CREBRF: variants seen among roughly 807,000 people sequenced by gnomAD.
CREBRF encodes UPF0474 protein C5orf41.
CREBRF carries 5 observed loss-of-function variants against 66.1 expected under a neutral mutation model. The observed-to-expected ratio is 0.08, with a 90% CI of 0.04 to 0.16. The LOEUF (loss-of-function observed/expected upper bound fraction) is 0.16. Among genes scored for constraint, CREBRF ranks in the 10% least tolerant of loss-of-function variants. The pLI is 1.00. For synonymous variants in CREBRF, 229 were observed against 264.4 expected (o/e 0.87, Z 1.30); for missense variants, 531 against 744.9 (o/e 0.71, Z 3.34).
At chr5:173,076,237 T>C (rs1757760960) in intron 1 of CREBRF, among the ~76,000 whole-genome samples, 1 of 152,154 alleles carries the variant, frequency 6.6e-6, no homozygotes, top group African/African-American at 2.4e-5. Context: ...ATTCATTTTT[T>C]CTATCAAGAG....
chr5:173,109,792 A>G (rs1397918017), intron 5 of CREBRF: 5 of 152,322 alleles, frequency 3.3e-5, no homozygotes, highest in African/African-American at 1.2e-4. Context: ...TCCACTAGCA[A>G]CCAGGTGTAC....
At chr5:173,130,111 C>G (rs1250029943) in intron 8 of CREBRF, among the ~76,000 whole-genome samples, 1 of 152,224 alleles carries the variant, frequency 6.6e-6, no homozygotes, top group Non-Finnish European at 1.5e-5. Context: ...GCGTGAGCCA[C>G]CACGCTCGGC....
intron 4 of CREBRF, among the ~76,000 whole-genome samples, chr5:173,094,119 T>C (rs576724536): frequency 7.9e-5 from 12 of 152,354 alleles, no homozygotes; most frequent in Admixed American, 2.0e-4. Context: ...TTTTTAAGGC[T>C]GAATAATATT....
At chr5:173,092,117 G>C (rs773257401) in intron 4 of CREBRF, 5 of 833,910 alleles carry the variant, frequency 6.0e-6, no homozygotes, top group Non-Finnish European at 7.2e-6. Context: ...AAATATTACT[G>C]TTTATGCATG....
At chr5:173,119,620 TTTTG>T (rs1759088965) in intron 7 of CREBRF, among the ~76,000 whole-genome samples, 1 of 152,184 alleles carries the variant, frequency 6.6e-6, no homozygotes, top group South Asian at 2.1e-4. Context: ...TCTTTATGGC[TTTTG>T]TTTTTCTGCC....
intron 4 of CREBRF, among the ~76,000 whole-genome samples, chr5:173,106,989 A>T (rs983867728): frequency 6.6e-6 from 1 of 152,152 alleles, no homozygotes; most frequent in Non-Finnish European, 1.5e-5. Context: ...ATCTCAGGTG[A>T]TCCGCCCACC....
intron 1 of CREBRF, among the ~76,000 whole-genome samples, chr5:173,074,930 A>G (rs773165781): frequency 1.1e-4 from 17 of 152,078 alleles, no homozygotes; most frequent in Non-Finnish European, 2.4e-4. Context: ...CACCTCCCAT[A>G]TTTTAAAAAC....
chr5:173,123,759 C>T (rs981411641), intron 8 of CREBRF: 2 of 152,310 alleles, frequency 1.3e-5, no homozygotes, highest in African/African-American at 4.8e-5. Flanking sequence ...TCCAAGGCAT[C>T]CAGCGTTATA....
At chr5:173,059,369 A>G (rs911942492) in intron 1 of CREBRF, among the ~76,000 whole-genome samples, 9 of 148,602 alleles carry the variant, frequency 6.1e-5, no homozygotes, top group African/African-American at 2.0e-4. Context: ...GGTTCAAGCA[A>G]TTCTCCTGCC....
intron 1 of CREBRF, among the ~76,000 whole-genome samples, chr5:173,075,574 T>A (rs1426987438): frequency 6.6e-6 from 1 of 152,172 alleles, no homozygotes; most frequent in Non-Finnish European, 1.5e-5. Context: ...ATGGATAGAA[T>A]ATGAGGCAGA....
chr5:173,079,891 C>T (rs1446400796), intron 1 of CREBRF, among the ~76,000 whole-genome samples: 3 of 152,066 alleles, frequency 2.0e-5, no homozygotes, highest in African/African-American at 7.2e-5. Context: ...AAGTCTGTAC[C>T]CTGTCAAAAT....
At chr5:173,087,504 T>C (rs1758192875) in intron 3 of CREBRF, among the ~76,000 whole-genome samples, 2 of 151,102 alleles carry the variant, frequency 1.3e-5, no homozygotes, top group Admixed American at 1.3e-4. Flanking sequence ...GAGACCATCC[T>C]GGCCAACATG....
intron 1 of CREBRF, among the ~76,000 whole-genome samples, chr5:173,059,425 C>T (rs944964135): frequency 2.0e-5 from 3 of 151,562 alleles, no homozygotes; most frequent in South Asian, 2.1e-4. Context: ...CCACCACGCC[C>T]GGCTAATTTT....
chr5:173,122,620 T>C (rs201892812), intron 7 of CREBRF, among the ~76,000 whole-genome samples: 1 of 144,068 alleles, frequency 6.9e-6, no homozygotes, highest in Admixed American at 7.0e-5. Flanking sequence ...TATTATACTT[T>C]AAGTTTTAGG....
intron 7 of CREBRF, among the ~76,000 whole-genome samples, chr5:173,120,780 G>A (rs553125552): frequency 3.2e-5 from 4 of 126,180 alleles, no homozygotes; most frequent in South Asian, 2.8e-4. Flanking sequence ...TGTAACCTCC[G>A]CCTCCCAGCT....
intron 1 of CREBRF, among the ~76,000 whole-genome samples, chr5:173,070,339 C>T (rs907818523): frequency 1.3e-5 from 2 of 152,088 alleles, no homozygotes; most frequent in Non-Finnish European, 2.9e-5. Context: ...GTTTTTATGC[C>T]GCTGCCATTA....
At chr5:173,063,756 T>C (rs1204424563) in intron 1 of CREBRF, among the ~76,000 whole-genome samples, 1 of 150,956 alleles carries the variant, frequency 6.6e-6, no homozygotes, top group Non-Finnish European at 1.5e-5. Flanking sequence ...CGAGTCTTGC[T>C]CTGTCACCCA....
At chr5:173,096,816 G>T (rs1194006708) in intron 4 of CREBRF, among the ~76,000 whole-genome samples, 2 of 152,028 alleles carry the variant, frequency 1.3e-5, no homozygotes. Context: ...AGATCTTGAA[G>T]CATGTTGAAT....
intron 6 of CREBRF, 82 bp downstream of exon 6, chr5:173,110,793 A>G: frequency 2.1e-6 from 2 of 941,062 alleles, no homozygotes; most frequent in Admixed American, 2.9e-5. Flanking sequence ...TAGAAGGACA[A>G]CAAAGAAATT....
Sources: allele counts gnomAD v4.1 joint callset (sites outside exome capture counted in the v4.1 genomes callset), GRCh38; gene constraint gnomAD v4.1.1; transcripts MANE v1.5; gene names NCBI Gene and HGNC (gene_info 2026-07-23, HGNC 2026-07-21).